The following GNG4 variants were observed in gnomAD, a reference collection of about 807,000 sequenced individuals.
GNG4 encodes G protein subunit gamma 4.
GNG4 carries 4 observed loss-of-function variants against 5.8 expected under a neutral mutation model. The ratio of observed to expected loss-of-function variants is 0.69; its 90% confidence interval spans 0.34 to 1.57. GNG4 has a LOEUF of 1.57. Ranked by LOEUF, GNG4 falls within the 40% of genes most tolerant of loss-of-function variation. GNG4 has a pLI of 0.06. For missense variants in GNG4, 96 were observed against 95.1 expected, an observed-to-expected ratio of 1.01 and a Z score of -0.04; for synonymous variants, 29 against 32.9, an observed-to-expected ratio of 0.88 and a Z score of 0.41.
chr1:235,555,422 T>C (rs1407181405), intron 3 of GNG4, among the ~76,000 whole-genome samples: 2 of 152,206 alleles, frequency 1.3e-5, no homozygotes, highest in African/African-American at 4.8e-5. Context: ...GCTTCTCAGG[T>C]GCCAGCACTA....
At chr1:235,591,535 C>T (rs1322453036) in intron 2 of GNG4, among the ~76,000 whole-genome samples, 1 of 152,196 alleles carries the variant, frequency 6.6e-6, no homozygotes, top group Non-Finnish European at 1.5e-5. Flanking sequence ...TGAATAACGC[C>T]CCTGCCTTTC....
chr1:235,634,524 ATGGGCTATG>A (rs1177242900), intron 1 of GNG4, among the ~76,000 whole-genome samples: 13 of 152,318 alleles, frequency 8.5e-5, no homozygotes, highest in African/African-American at 2.9e-4. Context: ...ATTTGCGCAG[ATGGGCTATG>A]TGTCCTAGAC....
intron 1 of GNG4, among the ~76,000 whole-genome samples, chr1:235,603,454 C>A (rs1688297114): frequency 6.6e-6 from 1 of 152,070 alleles, no homozygotes; most frequent in African/African-American, 2.4e-5. Context: ...AATGTCCTGA[C>A]CCCTGAAGGG....
intron 1 of GNG4, among the ~76,000 whole-genome samples, chr1:235,600,129 T>A (rs1051545918): frequency 7.7e-4 from 87 of 113,100 alleles, no homozygotes; most frequent in Middle Eastern, 4.9e-3. Flanking sequence ...TTTTTTTTTT[T>A]AGACAGGCAG....
chr1:235,626,129 AATGGT>A (rs1688805231), intron 1 of GNG4, among the ~76,000 whole-genome samples: 1 of 152,064 alleles, frequency 6.6e-6, no homozygotes, highest in Non-Finnish European at 1.5e-5. Context: ...GGCCATTCTA[AATGGT>A]GTGTAGTGGT....
At chr1:235,581,902 T>C (rs1370324196) in intron 3 of GNG4, among the ~76,000 whole-genome samples, 1 of 152,234 alleles carries the variant, frequency 6.6e-6, no homozygotes, top group Non-Finnish European at 1.5e-5. Flanking sequence ...GCGGTGTCTG[T>C]GGCAGGTGAA....
intron 2 of GNG4, among the ~76,000 whole-genome samples, chr1:235,588,342 C>T (rs879709198): frequency 1.2e-4 from 18 of 152,066 alleles, no homozygotes; most frequent in South Asian, 4.1e-4. Flanking sequence ...CACCCACAGC[C>T]GAGGCCCCTG....
At chr1:235,557,220 T>C (rs1178841645) in intron 3 of GNG4, among the ~76,000 whole-genome samples, 1 of 152,158 alleles carries the variant, frequency 6.6e-6, no homozygotes, top group Non-Finnish European at 1.5e-5. Context: ...ACTCAGCCGC[T>C]ATACTACAGC....
chr1:235,582,220 G>A (rs1687654917), intron 3 of GNG4, among the ~76,000 whole-genome samples: 1 of 152,140 alleles, frequency 6.6e-6, no homozygotes, highest in Non-Finnish European at 1.5e-5. Flanking sequence ...TGACAACTCC[G>A]TCTATTGCTT....
intron 2 of GNG4, among the ~76,000 whole-genome samples, chr1:235,593,847 C>T (rs1004400456): frequency 1.4e-4 from 22 of 152,254 alleles, no homozygotes; most frequent in Admixed American, 3.3e-4. Context: ...CTCATAAAGG[C>T]AGTGGGGGCC....
rs10538491 is a variant in GNG4, at chr1:235,599,320, GT to G, written c.-122-3810del. 1.9e-3 allele frequency among the ~76,000 whole-genome samples: 273 copies of G among 140,006 alleles called. 1 individual carries two copies. Among genetic ancestry groups the G allele is most frequent in the South Asian group, 5.8e-3 (26 of 4,460 alleles). 91.8% of individuals were successfully genotyped at this position (140,006 alleles called of 152,430 possible). On this transcript the variant is annotated intron_variant, in intron 1 of 3. Transcript: ENST00000391854. The stretch of plus-strand genomic sequence containing the variant: ...GTTGTCGTTGTTTGTTTTTTGGTTT[GT>G]TTTTTTTTTTTTTGAGACAGAGTCT...
At chr1:235,577,022 G>A (rs56219056) in intron 3 of GNG4, among the ~76,000 whole-genome samples, 1,699 of 152,276 alleles carry the variant, frequency 0.011, 16 homozygotes, top group Non-Finnish European at 0.018. Context: ...ACTGCTTAAT[G>A]CAGTTATATT....
chr1:235,589,541 C>T (rs891475748), intron 2 of GNG4, among the ~76,000 whole-genome samples: 1 of 152,158 alleles, frequency 6.6e-6, no homozygotes, highest in Non-Finnish European at 1.5e-5. Context: ...AGCTACCTGC[C>T]CATCCGCCCA....
intron 2 of GNG4, 117 bp downstream of exon 2, chr1:235,595,283 G>A (rs1303483880): frequency 2.0e-5 from 3 of 152,552 alleles, no homozygotes. Context: ...ATGCTGTGAG[G>A]ACCTGGCCAC....
intron 2 of GNG4, among the ~76,000 whole-genome samples, chr1:235,590,840 T>C (rs1447356616): frequency 6.6e-6 from 1 of 152,218 alleles, no homozygotes; most frequent in African/African-American, 2.4e-5. Context: ...CGTGATTCCT[T>C]AGTGTCCAAA....
intron 1 of GNG4, among the ~76,000 whole-genome samples, chr1:235,636,349 G>C (rs1030694236): frequency 2.0e-5 from 3 of 152,218 alleles, no homozygotes; most frequent in Non-Finnish European, 4.4e-5. Flanking sequence ...TTTGAGGAAG[G>C]CTCTTTGGGG....
At chr1:235,599,324 T>C (rs907850602) in intron 1 of GNG4, among the ~76,000 whole-genome samples, 1 of 149,116 alleles carries the variant, frequency 6.7e-6, no homozygotes, top group African/African-American at 2.5e-5. Flanking sequence ...TGGTTTGTTT[T>C]TTTTTTTTTT....
chr1:235,611,512 C>T (rs1359331465), intron 1 of GNG4, among the ~76,000 whole-genome samples: 1 of 152,058 alleles, frequency 6.6e-6, no homozygotes, highest in Non-Finnish European at 1.5e-5. Context: ...CCAGCACCAG[C>T]AGGAAGTCAG....
At chr1:235,556,566 A>G (rs1686913887) in intron 3 of GNG4, among the ~76,000 whole-genome samples, 1 of 151,312 alleles carries the variant, frequency 6.6e-6, no homozygotes, top group East Asian at 2.0e-4. Flanking sequence ...CAAAAAAAAA[A>G]AAAAAAAAAA....
Sources: gnomAD v4.1 joint callset for allele counts (sites outside exome capture counted in the v4.1 genomes callset) on GRCh38, gnomAD v4.1.1 for gene constraint, MANE v1.5 for transcripts, NCBI Gene and HGNC (gene_info 2026-07-23, HGNC 2026-07-21) for gene names.